POLR3B: variants seen among roughly 807,000 people sequenced by gnomAD.
The protein encoded by POLR3B is RNA polymerase III subunit B, also known as DNA-directed RNA polymerase III subunit RPC2.
POLR3B carries 96 observed loss-of-function variants against 147.4 expected under a neutral mutation model. The ratio of observed to expected loss-of-function variants is 0.65; its 90% CI spans 0.55 to 0.77. POLR3B has a LOEUF of 0.77. POLR3B is among the 30% of genes least tolerant of loss of function. The probability of loss-of-function intolerance (pLI) is 0.00; values close to 1 mark genes in which losing one functional copy is unlikely to be tolerated. For synonymous variants in POLR3B, 461 were observed against 485.9 expected (o/e 0.95, Z 0.67); for missense variants, 1,036 against 1,413.5 (o/e 0.73, Z 4.28).
chr12:106,455,464 A>G (rs1470771377), intron 20 of POLR3B, among the ~76,000 whole-genome samples: 1 of 152,142 alleles, frequency 6.6e-6, no homozygotes, highest in African/African-American at 2.4e-5. Context: ...CCAAATGACA[A>G]CAGCCATGCT....
chr12:106,373,726 C>T (rs1420728852), intron 6 of POLR3B, among the ~76,000 whole-genome samples: 2 of 151,978 alleles, frequency 1.3e-5, no homozygotes, highest in African/African-American at 4.8e-5. Flanking sequence ...TGTACTCCAG[C>T]CTGGGCAACA....
At chr12:106,486,313 A>G (rs1427928523) in intron 23 of POLR3B, among the ~76,000 whole-genome samples, 6 of 149,198 alleles carry the variant, frequency 4.0e-5, no homozygotes, top group Admixed American at 3.3e-4. Flanking sequence ...AAAAAAAAAA[A>G]AAGAGTAAGG....
Position 106,459,328 on chromosome 12 carries a change from A to G in POLR3B, c.2530A>G (p.Asn844Asp). Residue 844 changes from asparagine to aspartate, a missense_variant, in exon 22 of 28, where the codon AAT becomes GAT. This residue lies in a region of POLR3B where 202 missense variants were observed against 272.8 expected (regional missense o/e 0.74). Transcript: ENST00000228347. ...GACTCAGATTCCTTTGGAAGGAAGTAATGTACCACAGCAACCACAGTACAA... is the reference window on the plus strand; with the variant it reads ...GACTCAGATTCCTTTGGAAGGAAGTGATGTACCACAGCAACCACAGTACAA... The part of the protein sequence containing the change: ...TVTQIPLEGS[N>D]VPQQPQYKDV... 1.1e-5 allele frequency: 17 copies of G among 1,600,350 alleles called. No individual in the cohort carries two copies. Among genetic ancestry groups the G allele is most frequent in the Non-Finnish European group, 1.5e-5 (17 of 1,167,452 alleles).
rs1012532960 is a variant in POLR3B at position 106,430,213 on chromosome 12, C to T, written c.1264-60C>T. The stretch of plus-strand genomic sequence containing the variant: ...TAATGAACTTCTTGGAGTGACCGCA[C>T]GGTATCAGACAACATAGGATTGGGT... On this transcript the variant is annotated intron_variant, in intron 13 of 27. Transcript: ENST00000228347. The T allele has an allele frequency of 1.6e-5, 21 of 1,303,368 alleles. No homozygotes were observed. In the East Asian group the frequency reaches 2.3e-4, roughly 14 times the overall value. The allele number at this position is 1,303,368 out of a possible 1,614,324, so 80.7% of individuals were successfully genotyped here.
intron 16 of POLR3B, among the ~76,000 whole-genome samples, chr12:106,436,344 T>C (rs927777478): frequency 5.3e-5 from 8 of 152,296 alleles, no homozygotes; most frequent in East Asian, 3.9e-4. Flanking sequence ...GGCAAAGCCC[T>C]CCGAGGCAAG....
intron 23 of POLR3B, 104 bp from the exon 24 acceptor site, chr12:106,495,951 A>G: frequency 1.3e-6 from 1 of 792,322 alleles, no homozygotes; most frequent in South Asian, 1.3e-5. Flanking sequence ...GGAAGATTTT[A>G]GAGCAGTGGA....
intron 6 of POLR3B, among the ~76,000 whole-genome samples, chr12:106,374,518 G>GTTT (rs754932069): frequency 7.0e-6 from 1 of 143,136 alleles, no homozygotes. Context: ...TTTGTGGCAT[G>GTTT]TTTTTTTTTT....
intron 23 of POLR3B, among the ~76,000 whole-genome samples, chr12:106,494,038 C>G (rs964935348): frequency 1.3e-5 from 2 of 152,060 alleles, no homozygotes; most frequent in African/African-American, 4.8e-5. Flanking sequence ...AACTAAATGT[C>G]AGAAGAGGGC....
Position 106,368,761 on chromosome 12 carries a change from A to G in POLR3B, c.228-514A>G, listed in dbSNP as rs187101539. On this transcript the variant is annotated intron_variant, in intron 4 of 27. Transcript: ENST00000228347. ...ATTATGGTTTAAGAGTTAGACTTGC[A>G]CAAAAAAGTATATTCAGAAAATAGT... Among the ~76,000 whole-genome samples, 5 of 152,258 alleles carry G rather than the reference A, an allele frequency of 3.3e-5. No homozygotes were observed. In the East Asian group the frequency reaches 9.6e-4, roughly 29 times the overall value.
chr12:106,498,778 G>C (rs1246597187), intron 25 of POLR3B, among the ~76,000 whole-genome samples: 1 of 152,152 alleles, frequency 6.6e-6, no homozygotes, highest in African/African-American at 2.4e-5. Flanking sequence ...TAGAGACGAG[G>C]TTTCGCCAAG....
At chr12:106,401,244 G>A (rs1005413111) in intron 10 of POLR3B, among the ~76,000 whole-genome samples, 9 of 152,152 alleles carry the variant, frequency 5.9e-5, no homozygotes, top group African/African-American at 2.2e-4. Context: ...TAAACTCCTC[G>A]ATACATACAT....
At chr12:106,388,905 G>A (rs2036878389) in intron 9 of POLR3B, among the ~76,000 whole-genome samples, 1 of 152,100 alleles carries the variant, frequency 6.6e-6, no homozygotes, top group Non-Finnish European at 1.5e-5. Flanking sequence ...AAGACCTCAT[G>A]CCACTTTTTA....
chr12:106,463,710 T>A, intron 23 of POLR3B, 90 bp downstream of exon 23: 1 of 1,114,028 alleles, frequency 9.0e-7, no homozygotes, highest in Non-Finnish European at 1.3e-6. Context: ...TTTAAAAAAT[T>A]TACTTTGGAA....
intron 23 of POLR3B, among the ~76,000 whole-genome samples, chr12:106,484,252 G>C (rs955311848): frequency 2.0e-5 from 3 of 152,144 alleles, no homozygotes; most frequent in Admixed American, 2.0e-4. Flanking sequence ...GTTTTAATCC[G>C]GTAAACGATG....
chr12:106,459,725 C>T (rs1000370497), intron 22 of POLR3B, among the ~76,000 whole-genome samples: 4 of 152,134 alleles, frequency 2.6e-5, no homozygotes, highest in Non-Finnish European at 5.9e-5. Context: ...TGATAAGAGT[C>T]ATATTTTTAA....
chr12:106,440,084 A>T (rs544692903), intron 18 of POLR3B, among the ~76,000 whole-genome samples: 1 of 152,252 alleles, frequency 6.6e-6, no homozygotes, highest in East Asian at 1.9e-4. Flanking sequence ...ATAGATATGT[A>T]TCCTGAGTAT....
intron 10 of POLR3B, among the ~76,000 whole-genome samples, chr12:106,397,967 T>C (rs2037003108): frequency 6.6e-6 from 1 of 152,110 alleles, no homozygotes; most frequent in Non-Finnish European, 1.5e-5. Flanking sequence ...AGATACCGGG[T>C]TCATCTCACT....
chr12:106,509,604 A>G lies in POLR3B; in HGVS notation c.*55A>G. The G allele has an allele frequency of 1.3e-6, 2 of 1,513,078 alleles. No homozygotes were observed. 93.7% of individuals were successfully genotyped at this position (1,513,078 alleles called of 1,614,324 possible). ...AAGTGATACATCCAATGCAACGGAA[A>G]GCAGAAGGGATTTAGGACTACGTCT... On this transcript the variant is annotated 3_prime_UTR_variant, in exon 28 of 28. Coordinates refer to ENST00000228347, the MANE Select transcript of POLR3B (RefSeq NM_018082.6).
intron 10 of POLR3B, among the ~76,000 whole-genome samples, chr12:106,405,539 T>C (rs2037138101): frequency 7.0e-6 from 1 of 142,598 alleles, no homozygotes; most frequent in Admixed American, 7.2e-5. Flanking sequence ...GCTATATGTC[T>C]ACACACACAC....
Sources: gnomAD v4.1 joint callset for allele counts (sites outside exome capture counted in the v4.1 genomes callset) on GRCh38, gnomAD v4.1.1 for gene constraint, gnomAD v4.1.1 regional missense constraint, MANE v1.5 for transcripts, NCBI Gene and HGNC (gene_info 2026-07-23, HGNC 2026-07-21) for gene names.